Variants in PKMYT1 observed in about 807,000 individuals in gnomAD.
PKMYT1 encodes the protein membrane-associated tyrosine- and threonine-specific cdc2-inhibitory kinase.
In PKMYT1, 35 loss-of-function variants were observed where a neutral mutation model predicts 49.7. The observed-to-expected ratio is 0.70, with a 90% confidence interval of 0.54 to 0.93. PKMYT1 has a LOEUF of 0.93. Ranked by LOEUF, PKMYT1 falls within the 40% of genes least tolerant of loss-of-function variation. The probability of loss-of-function intolerance (pLI) is 0.00; values close to 1 mark genes in which losing one functional copy is unlikely to be tolerated. For missense variants in PKMYT1, 677 were observed against 673.1 expected (o/e 1.01, Z -0.06); for synonymous variants, 331 against 287.6 (o/e 1.15, Z -1.53).
chr16:2,979,697 A>T lies in PKMYT1; in HGVS notation c.-40T>A. ...AACAGCCTCAGTGGTGGGACGGGGG[A>T]GGCAGGAGCAGGGGCTCCCACGTGA... On this transcript the variant is annotated 5_prime_UTR_variant, in exon 2 of 9. Transcript: ENST00000262300. 6.2e-7 allele frequency: 1 copy of T among 1,613,342 alleles called. No homozygotes were observed. Among genetic ancestry groups the T allele is most frequent in the East Asian group, 2.2e-5 (1 of 44,868 alleles).
Position 2,975,631 on chromosome 16 carries a change from G to A in PKMYT1, c.560C>T (p.Thr187Met), listed in dbSNP as rs372008941. The A allele has an allele frequency of 8.8e-5, 141 of 1,611,420 alleles. No individual in the cohort carries two copies. Among genetic ancestry groups the A allele is most frequent in the South Asian group, 7.8e-4 (71 of 91,042 alleles). The change falls in exon 4 of 9, where the codon ACG becomes ATG. Residue 187 changes from threonine to methionine, a missense_variant. By Grantham distance (81) the Thr-to-Met change is moderately conservative (BLOSUM62 -1). Coordinates refer to ENST00000262300, the MANE Select transcript of PKMYT1 (RefSeq NM_004203.5). Reference sequence around the variant, plus strand: ...CTGCAGGCTGGGCCCGCACAGCTCCGTCTGCAGGTACAGGATGCCGCCCTC... The same window carrying A: ...CTGCAGGCTGGGCCCGCACAGCTCCATCTGCAGGTACAGGATGCCGCCCTC... ...WEEGGILYLQ[T>M]ELCGPSLQQH...
Position 2,974,013 on chromosome 16 carries a change from C to T in PKMYT1, c.1297G>A (p.Asp433Asn), listed in dbSNP as rs754151585. 3 of 1,612,826 alleles carry T rather than the reference C, an allele frequency of 1.9e-6. No individual in the cohort carries two copies. Among genetic ancestry groups the T allele is most frequent in the Middle Eastern group, 1.7e-4 (1 of 6,058 alleles). The change falls in exon 7 of 9, where the codon GAC (aspartate) becomes AAC (asparagine). Residue 433 changes from aspartate to asparagine, a missense_variant. Physicochemically the swap from Asp to Asn is conservative, Grantham distance 23. Coordinates refer to ENST00000262300, the MANE Select transcript of PKMYT1 (RefSeq NM_004203.5). The part of the protein sequence containing the change: ...LDSSLSSNWD[D>N]DSLGPSLSPE... ...ACTTGAACCCACCCTAGGCTGTCGT[C>T]ATCCCAGTTGCTGGAGAGGCTGCTG...
chr16:2,975,494 C>G lies in PKMYT1; in HGVS notation c.697G>C (p.Asp233His), dbSNP rs2072164126. ...AGGAAGATGTTGGCAGGCTTGACAT[C>G]AAGGTGCACCAGGCCCTGGCTGTGC... Reference protein sequence around the residue: ...HLHSQGLVHLDVKPANIFLGP... With the variant: ...HLHSQGLVHLHVKPANIFLGP... The change falls in exon 4 of 9, where the codon GAT becomes CAT. Residue 233 changes from aspartate to histidine, a missense_variant. By Grantham distance (81) the Asp-to-His change is moderately conservative. Transcript: ENST00000262300. 2 of 1,612,882 alleles carry G rather than the reference C, an allele frequency of 1.2e-6. No individual in the cohort carries two copies. Among genetic ancestry groups the G allele is most frequent in the Non-Finnish European group, 1.7e-6 (2 of 1,179,942 alleles).
chr16:2,973,531 G>C (rs2072076918), intron 7 of PKMYT1: 2 of 1,169,424 alleles, frequency 1.7e-6, no homozygotes, highest in African/African-American at 3.1e-5. Context: ...CGAGGGATGA[G>C]GTGATGTGTT....
intron 2 of PKMYT1, 65 bp downstream of exon 2, chr16:2,979,583 C>T (rs1309670073): frequency 1.5e-6 from 2 of 1,347,128 alleles, no homozygotes; most frequent in Non-Finnish European, 2.1e-6. Flanking sequence ...AACCCTGGCA[C>T]ACTCGGGGAC....
chr16:2,977,059 A>C (rs2072217647), intron 2 of PKMYT1, 28 bp from the exon 3 acceptor site: 5 of 1,590,170 alleles, frequency 3.1e-6, no homozygotes, highest in South Asian at 2.2e-5. Flanking sequence ...GGCTGAGTAC[A>C]GGGCAGCATG....
intron 7 of PKMYT1, 36 bp downstream of exon 7, chr16:2,973,964 T>G: frequency 6.3e-7 from 1 of 1,593,226 alleles, no homozygotes; most frequent in South Asian, 1.1e-5. Context: ...TCCCCCACCT[T>G]CCCCCTAGCC....
At chr16:2,973,340 A>G in intron 7 of PKMYT1, 125 bp from the exon 8 acceptor site, 9 of 1,542,960 alleles carry the variant, frequency 5.8e-6, no homozygotes, top group Non-Finnish European at 7.9e-6. Flanking sequence ...ACAGTCAGGG[A>G]CAATAAAAAC....
In PKMYT1 at chr16:2,975,650, C is replaced by T. The variant is rs527285616; in HGVS notation, c.541G>A (p.Gly181Ser). The T allele has an allele frequency of 2.5e-5, 40 of 1,611,382 alleles. No individual in the cohort carries two copies. The highest frequency in any genetic ancestry group is 1.7e-4 in the Middle Eastern group (1 of 6,058). ...VRLEQAWEEG[G>S]ILYLQTELCG... ...AGCTCCGTCTGCAGGTACAGGATGC[C>T]GCCCTCCTCCCAGGCCTGCTCCAGC... The change falls in exon 4 of 9, where the codon GGC becomes AGC. Residue 181 changes from glycine (G) to serine (S), a missense_variant. Coordinates refer to ENST00000262300, the MANE Select transcript of PKMYT1 (RefSeq NM_004203.5).
rs1443746773 is a variant in PKMYT1, at chr16:2,972,946, CTG to C, written c.*5_*6del. 1 of 1,598,870 alleles carries C rather than the reference CTG, an allele frequency of 6.3e-7. No individual in the cohort carries two copies. Among genetic ancestry groups the C allele is most frequent in the Admixed American group, 1.7e-5 (1 of 57,338 alleles). ...AAGGTTAAAAGTGCAGAGGCAGAGT[CTG>C]GGGCTCAGGTTGGGTCTAGGGTGTC... On this transcript the variant is annotated 3_prime_UTR_variant, in exon 9 of 9. Coordinates refer to ENST00000262300, the MANE Select transcript of PKMYT1 (RefSeq NM_004203.5).
rs1001288145 is a variant in PKMYT1 at position 2,973,325 on chromosome 16, G to C, written c.1311-110C>G. The C allele has an allele frequency of 6.5e-6, 10 of 1,532,240 alleles. No individual in the cohort carries two copies. The African/African-American group carries it at 1.2e-4, about 19-fold the overall frequency. 94.9% of individuals were successfully genotyped at this position (1,532,240 alleles called of 1,614,324 possible). A position where few individuals can be genotyped will look rare whatever the true frequency, so the allele number is the denominator to read the frequency against. Reference sequence around the variant, plus strand: ...GGCTCCCGCCTGACAAACAGGCAGGGAGCCACAGTCAGGGACAATAAAAAC... The same window carrying C: ...GGCTCCCGCCTGACAAACAGGCAGGCAGCCACAGTCAGGGACAATAAAAAC... On this transcript the variant is annotated intron_variant, in intron 7 of 8. Transcript: ENST00000262300.
Position 2,973,071 on chromosome 16 carries a change from G to A in PKMYT1, c.1389-7C>T, listed in dbSNP as rs1371735711. On this transcript the variant is annotated splice_polypyrimidine_tract_variant and splice_region_variant and intron_variant, in intron 8 of 8. Transcript: ENST00000262300. ...ACTTAGGTCCAGGGCATCCCTGGGA[G>A]GAGAGAGTAGTGACACTCAGGATCC... 2 of 1,593,872 alleles carry A rather than the reference G, an allele frequency of 1.3e-6. No homozygotes were observed. The highest frequency in any genetic ancestry group is 1.7e-6 in the Non-Finnish European group (2 of 1,171,002).
chr16:2,974,352 T>G lies in PKMYT1; in HGVS notation c.1045A>C (p.Thr349Pro). Residue 349 changes from threonine to proline, a missense_variant, in exon 6 of 9, where the codon ACG becomes CCG. Coordinates refer to ENST00000262300, the MANE Select transcript of PKMYT1 (RefSeq NM_004203.5). ...MLEPDPKLRATAEALLALPVL... is the reference protein window; with the variant it reads ...MLEPDPKLRAPAEALLALPVL... The stretch of plus-strand genomic sequence containing the variant: ...GGCAGTGCCAGCAGGGCCTCGGCCG[T>G]GGCCCGCAGCTTGGGGTCTGGCTCC... 6.2e-7 allele frequency: 1 copy of G among 1,610,190 alleles called. No individual in the cohort carries two copies. The highest frequency in any genetic ancestry group is 8.5e-7 in the Non-Finnish European group (1 of 1,178,896).
At chr16:2,973,902 T>A in intron 7 of PKMYT1, 98 bp downstream of exon 7, 1 of 1,332,538 alleles carries the variant, frequency 7.5e-7, no homozygotes. Flanking sequence ...GGGGGCCAGG[T>A]TTGTGGGAGT....
Position 2,975,699 on chromosome 16 carries a change from C to T in PKMYT1, c.492G>A (p.Val164=). 6.2e-7 allele frequency: 1 copy of T among 1,608,850 alleles called. No homozygotes were observed. Among genetic ancestry groups the T allele is most frequent in the Non-Finnish European group, 8.5e-7 (1 of 1,179,882 alleles). ...GCCGCACGCAGCATGGGTGCTGCCCCACCTTCTCGTGGCTGCCCACCTCGG... is the reference window on the plus strand; with the variant it reads ...GCCGCACGCAGCATGGGTGCTGCCCTACCTTCTCGTGGCTGCCCACCTCGG... ...KLAEVGSHEK[V]GQHPCCVRLE... The change falls in exon 4 of 9, where the codon GTG becomes GTA. Residue 164 remains valine (V), a synonymous_variant. Transcript: ENST00000262300.
chr16:2,974,286 T>A lies in PKMYT1; in HGVS notation c.1111A>T (p.Met371Leu), dbSNP rs774505134. Residue 371 changes from methionine (M) to leucine (L), a missense_variant, in exon 6 of 9, where the codon ATG (methionine) becomes TTG (leucine). By Grantham distance (15) the Met-to-Leu change is conservative (BLOSUM62 2). Coordinates refer to ENST00000262300, the MANE Select transcript of PKMYT1 (RefSeq NM_004203.5). ...QPRAWGVLWC[M>L]AAEALSRGWA... is the part of the protein sequence containing the mutation. ...CCTCGGCTCAGGGCCTCCGCTGCCATGCACCACAGCACACCCCAGGCCCGC... is the reference window on the plus strand; with the variant it reads ...CCTCGGCTCAGGGCCTCCGCTGCCAAGCACCACAGCACACCCCAGGCCCGC... The A allele has an allele frequency of 5.7e-6, 9 of 1,583,794 alleles. No homozygotes were observed. The Admixed American group carries it at 1.6e-4, about 28-fold the overall frequency.
Position 2,979,668 on chromosome 16 carries a change from G to A in PKMYT1, c.-11C>T, listed in dbSNP as rs765529436. On this transcript the variant is annotated 5_prime_UTR_variant, in exon 2 of 9. Transcript: ENST00000262300. ...CTTACGTTCTAGCATGACTGGCCTGGCCCAACAGCCTCAGTGGTGGGACGG... is the reference window on the plus strand; with the variant it reads ...CTTACGTTCTAGCATGACTGGCCTGACCCAACAGCCTCAGTGGTGGGACGG... 1.9e-6 allele frequency: 3 copies of A among 1,613,606 alleles called. No homozygotes were observed. The African/African-American group carries it at 4.0e-5, about 22-fold the overall frequency.
At position 2,974,336 on chromosome 16, in the gene PKMYT1, A is replaced by G; in HGVS notation, c.1061T>C (p.Leu354Pro). The G allele has an allele frequency of 6.2e-7, 1 of 1,608,346 alleles. No homozygotes were observed. Among genetic ancestry groups the G allele is most frequent in the Non-Finnish European group, 8.5e-7 (1 of 1,178,104 alleles). The change falls in exon 6 of 9, where the codon CTG becomes CCG. Residue 354 changes from leucine (L) to proline (P), a missense_variant. By Grantham distance (98) the Leu-to-Pro change is moderately conservative. Transcript: ENST00000262300. Reference protein sequence around the residue: ...PKLRATAEALLALPVLRQPRA... With the variant: ...PKLRATAEALPALPVLRQPRA... ...CGGCTGCCTCAACACAGGCAGTGCC[A>G]GCAGGGCCTCGGCCGTGGCCCGCAG...
At chr16:2,973,452 G>C (rs764901174) in intron 7 of PKMYT1, 34 of 1,520,798 alleles carry the variant, frequency 2.2e-5, no homozygotes, top group Non-Finnish European at 3.0e-5. Context: ...TGGACTTGGA[G>C]GCAGATTTGA....
Sources: allele counts gnomAD v4.1 joint callset, GRCh38; gene constraint gnomAD v4.1.1; transcripts MANE v1.5; gene names NCBI Gene and HGNC (gene_info 2026-07-23, HGNC 2026-07-21).